The following ME3 variants were observed in gnomAD, a reference collection of about 807,000 sequenced individuals.
ME3 encodes NADP-dependent malic enzyme, mitochondrial.
ME3 carries 48 observed loss-of-function variants against 68.9 expected under a neutral mutation model. The observed-to-expected ratio is 0.70, with a 90% CI of 0.55 to 0.89. The LOEUF (loss-of-function observed/expected upper bound fraction) is 0.89, where lower values mean the gene tolerates loss of function less well. ME3 is among the 40% of genes least tolerant of loss of function. The pLI, the probability that ME3 is intolerant of heterozygous loss-of-function variation, is 0.00. For synonymous variants in ME3, 320 were observed against 318.8 expected (o/e 1.00, Z -0.04); for missense variants, 675 against 797.4 (o/e 0.85, Z 1.85).
chr11:86,453,161 G>C, intron 8 of ME3, among the ~76,000 whole-genome samples: 1 of 152,188 alleles, frequency 6.6e-6, no homozygotes, highest in East Asian at 1.9e-4. Flanking sequence ...ACCATGCCCA[G>C]CTAATTTTTT....
At chr11:86,595,148 G>A (rs1009872811) in intron 2 of ME3, among the ~76,000 whole-genome samples, 3 of 144,856 alleles carry the variant, frequency 2.1e-5, no homozygotes, top group Non-Finnish European at 3.0e-5. Context: ...AAGGGGATAA[G>A]CATATGTATG....
chr11:86,456,090 A>T (rs1053031622), intron 8 of ME3, among the ~76,000 whole-genome samples: 1 of 152,156 alleles, frequency 6.6e-6, no homozygotes, highest in Non-Finnish European at 1.5e-5. Context: ...CGGAGTCAGA[A>T]TTTGTATTTA....
At chr11:86,661,218 A>G (rs575296087) in intron 2 of ME3, among the ~76,000 whole-genome samples, 1 of 152,262 alleles carries the variant, frequency 6.6e-6, no homozygotes, top group South Asian at 2.1e-4. Flanking sequence ...CATGACTACT[A>G]CAAATGCTAC....
intron 2 of ME3, among the ~76,000 whole-genome samples, chr11:86,662,962 A>G (rs114069097): frequency 0.012 from 1,875 of 152,292 alleles, 46 homozygotes; most frequent in African/African-American, 0.042. Context: ...ATGCCAATTT[A>G]TAGAGATGTA....
chr11:86,655,970 T>C (rs1379563527), intron 2 of ME3, among the ~76,000 whole-genome samples: 2 of 151,854 alleles, frequency 1.3e-5, no homozygotes, highest in African/African-American at 4.8e-5. Context: ...AAAGAAGACA[T>C]TTATGCAGCC....
chr11:86,571,390 A>G (rs932904619), intron 2 of ME3, among the ~76,000 whole-genome samples: 4 of 152,182 alleles, frequency 2.6e-5, no homozygotes, highest in Admixed American at 6.5e-5. Context: ...AGCCATTCCT[A>G]TAACTAGTTT....
chr11:86,633,873 G>C (rs1379739274), intron 2 of ME3, among the ~76,000 whole-genome samples: 2 of 152,142 alleles, frequency 1.3e-5, no homozygotes, highest in Admixed American at 6.5e-5. Flanking sequence ...TTAAATGACA[G>C]GCCCACCATC....
At chr11:86,534,071 G>A (rs1381189956) in intron 4 of ME3, among the ~76,000 whole-genome samples, 1 of 29,354 alleles carries the variant, frequency 3.4e-5, no homozygotes, top group Non-Finnish European at 8.2e-5. Flanking sequence ...AATGAGGTGT[G>A]TGTGTGTGTG....
chr11:86,555,676 C>A (rs539675248), intron 4 of ME3, among the ~76,000 whole-genome samples: 1 of 152,000 alleles, frequency 6.6e-6, no homozygotes. Flanking sequence ...AATATTCAAC[C>A]GAAATGCTGG....
In ME3 at chr11:86,478,276, A is replaced by G. The variant is rs1223413288; in HGVS notation, c.809+9061T>C. ...TTCTTGAACCCTTCTACAACAGTCC[A>G]GACTCATCTTTGCCCAATCTCTCCT... On this transcript the variant is annotated intron_variant, in intron 7 of 14. Coordinates refer to ENST00000543262, the Ensembl canonical transcript of ME3. Among the ~76,000 whole-genome samples the G allele has an allele frequency of 2.2e-5, 3 of 135,900 alleles. No homozygotes were observed. The South Asian group carries it at 7.2e-4, about 33-fold the overall frequency. The allele number at this position is 135,900 out of a possible 152,430, so 89.2% of individuals were successfully genotyped here.
intron 8 of ME3, among the ~76,000 whole-genome samples, chr11:86,464,407 G>C (rs967707593): frequency 3.9e-5 from 6 of 152,164 alleles, no homozygotes; most frequent in African/African-American, 1.4e-4. Context: ...AGTACCTTCA[G>C]ATATTTCTGG....
At chr11:86,581,170 C>G (rs1415671625) in intron 2 of ME3, among the ~76,000 whole-genome samples, 1 of 152,100 alleles carries the variant, frequency 6.6e-6, no homozygotes, top group Admixed American at 6.6e-5. Context: ...TAGCAGGTTG[C>G]CTCACATTTA....
chr11:86,667,101 A>G (rs1429595141), intron 2 of ME3, among the ~76,000 whole-genome samples: 1 of 152,206 alleles, frequency 6.6e-6, no homozygotes, highest in Non-Finnish European at 1.5e-5. Context: ...CTCTAAATGT[A>G]TCAAGTCCAC....
chr11:86,548,880 C>T (rs898050125), intron 4 of ME3, among the ~76,000 whole-genome samples: 4 of 152,240 alleles, frequency 2.6e-5, no homozygotes, highest in African/African-American at 9.6e-5. Flanking sequence ...ATGTCTTCTA[C>T]TCCTGCCTCC....
intron 6 of ME3, chr11:86,489,258 C>T (rs1350267701): frequency 6.6e-6 from 1 of 152,194 alleles, no homozygotes; most frequent in Non-Finnish European, 1.5e-5. Context: ...ACCTCCACCA[C>T]AGCGAGCTGT....
Position 86,548,624 on chromosome 11 carries a change from C to T in ME3, c.467+7929G>A, listed in dbSNP as rs76186715. On this transcript the variant is annotated intron_variant, in intron 4 of 14. Coordinates refer to ENST00000543262, the Ensembl canonical transcript of ME3. The stretch of plus-strand genomic sequence containing the variant: ...GTGTTTTCATTTACTTTTGCATTTT[C>T]CTCCCTTAAATGCCAGAAACATTAG... Among the ~76,000 whole-genome samples the T allele has an allele frequency of 5.5e-4, 84 of 152,252 alleles. No individual in the cohort carries two copies. The East Asian group carries it at 0.01, about 18-fold the overall frequency.
At chr11:86,661,156 A>G (rs185108879) in intron 2 of ME3, among the ~76,000 whole-genome samples, 26 of 152,370 alleles carry the variant, frequency 1.7e-4, no homozygotes, top group Non-Finnish European at 2.9e-4. Flanking sequence ...CATGCACATG[A>G]TGGCGATACA....
chr11:86,464,472 T>C (rs1950377977), intron 8 of ME3, among the ~76,000 whole-genome samples: 1 of 152,182 alleles, frequency 6.6e-6, no homozygotes. Flanking sequence ...TCATGTTGGC[T>C]TTGGAAGGCT....
chr11:86,527,001 C>T (rs1954807256), intron 4 of ME3, among the ~76,000 whole-genome samples: 2 of 152,200 alleles, frequency 1.3e-5, no homozygotes, highest in South Asian at 2.1e-4. Context: ...AGCAATGGAA[C>T]AAAGCTGGAC....
Sources: allele counts gnomAD v4.1 joint callset (sites outside exome capture counted in the v4.1 genomes callset), GRCh38; gene constraint gnomAD v4.1.1; transcripts MANE v1.5; gene names NCBI Gene and HGNC (gene_info 2026-07-23, HGNC 2026-07-21).